The following STK3 variants were observed in gnomAD, a reference collection of about 807,000 sequenced individuals.
STK3 encodes serine/threonine kinase 3, also known as serine/threonine-protein kinase 3.
In STK3, 41 loss-of-function variants were observed where a neutral mutation model predicts 58.0. The ratio of observed to expected loss-of-function variants is 0.71; its 90% confidence interval spans 0.55 to 0.92. The LOEUF is 0.92. STK3 is among the 40% of genes least tolerant of loss of function. The pLI is 0.00. For synonymous variants in STK3, 170 were observed against 191.0 expected (o/e 0.89, Z 0.91); for missense variants, 479 against 602.7 (o/e 0.79, Z 2.15).
intron 4 of STK3, among the ~76,000 whole-genome samples, chr8:98,720,525 T>C (rs1024390546): frequency 6.6e-6 from 1 of 151,932 alleles, no homozygotes; most frequent in Middle Eastern, 3.4e-3. Context: ...CCGAGGCAGG[T>C]GGATCACAAG....
At chr8:98,938,353 G>A (rs1333496423) in intron 1 of STK3, among the ~76,000 whole-genome samples, 1 of 152,178 alleles carries the variant, frequency 6.6e-6, no homozygotes, top group Non-Finnish European at 1.5e-5. Flanking sequence ...AAAGTGCAAA[G>A]TGAACAATCA....
intron 10 of STK3, among the ~76,000 whole-genome samples, chr8:98,519,401 C>A (rs779599619): frequency 4.6e-5 from 7 of 152,038 alleles, no homozygotes; most frequent in Non-Finnish European, 1.0e-4. Context: ...CCCTGCTCCT[C>A]TTTTTCGGGG....
intron 9 of STK3, among the ~76,000 whole-genome samples, chr8:98,534,089 T>C (rs1809564144): frequency 6.6e-6 from 1 of 152,204 alleles, no homozygotes; most frequent in African/African-American, 2.4e-5. Context: ...GTGCAAGTAA[T>C]AACAGAATGA....
At chr8:98,893,552 G>GAGAA (rs1838339854) in intron 1 of STK3, among the ~76,000 whole-genome samples, 1 of 147,708 alleles carries the variant, frequency 6.8e-6, no homozygotes, top group Admixed American at 6.8e-5. Context: ...GAAAGAGAAA[G>GAGAA]AGAAAGAGAG....
intron 1 of STK3, among the ~76,000 whole-genome samples, chr8:98,796,333 A>G (rs1425661438): frequency 1.3e-5 from 2 of 152,196 alleles, no homozygotes; most frequent in African/African-American, 2.4e-5. Context: ...ACCCAGAAAT[A>G]AAGCTGCACA....
chr8:98,523,822 C>G lies in STK3; in HGVS notation c.1317+2920G>C, dbSNP rs968518589. ...CTCATTCCATTGGTTGCCCTCCACTCTGTTGATAGTGTCTTGTGATGCACA... is the reference window on the plus strand; with the variant it reads ...CTCATTCCATTGGTTGCCCTCCACTGTGTTGATAGTGTCTTGTGATGCACA... On this transcript the variant is annotated intron_variant, in intron 10 of 10. Coordinates refer to ENST00000419617, the MANE Select transcript of STK3 (RefSeq NM_006281.4). Among the ~76,000 whole-genome samples the G allele has an allele frequency of 2.6e-5, 4 of 152,138 alleles. No individual in the cohort carries two copies. In the East Asian group the frequency reaches 7.7e-4, roughly 29 times the overall value.
intron 1 of STK3, among the ~76,000 whole-genome samples, chr8:98,817,385 C>T (rs757908609): frequency 2.7e-5 from 4 of 146,628 alleles, no homozygotes; most frequent in Admixed American, 7.1e-5. Context: ...ACCTATAAGG[C>T]GGAGGTTGCA....
chr8:98,658,477 A>G (rs1323136819), intron 6 of STK3, among the ~76,000 whole-genome samples: 1 of 152,060 alleles, frequency 6.6e-6, no homozygotes, highest in African/African-American at 2.4e-5. Context: ...AAAGGCAACC[A>G]ACCCAAACTA....
At chr8:98,664,904 T>TA (rs777614487) in intron 6 of STK3, among the ~76,000 whole-genome samples, 2,260 of 142,504 alleles carry the variant, frequency 0.016, 23 homozygotes, top group African/African-American at 0.028. Flanking sequence ...CCGTCTCAAT[T>TA]AAAAAAAAAA....
In STK3 at chr8:98,800,714, G is replaced by A. The variant is rs1427082855; in HGVS notation, c.26+24801C>T. On this transcript the variant is annotated intron_variant, in intron 1 of 10. Transcript: ENST00000419617. The surrounding 1 kb of genome is among the most constrained non-coding windows in gnomAD (Gnocchi z 4.8). ...GCTGATGCCGCCAGCCCTGGGCAGT[G>A]AAGGGCTTAGCACCCGGGCCAGCAG... Among the ~76,000 whole-genome samples, 8 of 152,228 alleles carry A rather than the reference G, an allele frequency of 5.3e-5. No individual in the cohort carries two copies. The highest frequency in any genetic ancestry group is 1.2e-4 in the Non-Finnish European group (8 of 68,038).
intron 6 of STK3, among the ~76,000 whole-genome samples, chr8:98,665,486 T>C (rs1016364381): frequency 6.6e-6 from 1 of 152,058 alleles, no homozygotes; most frequent in African/African-American, 2.4e-5. Context: ...AGCCTCAGTC[T>C]TCCCAGGCTC....
chr8:98,685,807 A>G (rs1444394580), intron 6 of STK3, among the ~76,000 whole-genome samples: 1 of 152,070 alleles, frequency 6.6e-6, no homozygotes, highest in East Asian at 1.9e-4. Flanking sequence ...GGGTGAGGGG[A>G]GAGTATTCAC....
intron 7 of STK3, 132 bp from the exon 8 acceptor site, chr8:98,579,921 T>A: frequency 2.3e-6 from 2 of 851,918 alleles, no homozygotes; most frequent in Non-Finnish European, 1.7e-6. Flanking sequence ...TAGAATTAAA[T>A]GTATAGGTTA....
intron 1 of STK3, among the ~76,000 whole-genome samples, chr8:98,910,414 G>A (rs187716927): frequency 1.1e-4 from 16 of 152,198 alleles, no homozygotes; most frequent in Admixed American, 5.9e-4. Flanking sequence ...CTCAATAAAC[G>A]TGAAGAACTA....
chr8:98,609,453 C>T (rs1265188657), intron 6 of STK3, among the ~76,000 whole-genome samples: 2 of 152,020 alleles, frequency 1.3e-5, no homozygotes, highest in Admixed American at 6.6e-5. Context: ...CTTTACACTG[C>T]ATTAGCTATA....
intron 8 of STK3, 55 bp downstream of exon 8, chr8:98,579,609 T>C: frequency 6.3e-7 from 1 of 1,576,204 alleles, no homozygotes; most frequent in Non-Finnish European, 8.6e-7. Context: ...TTTAACAGAA[T>C]TACAGACAAA....
chr8:98,874,668 C>G lies in STK3; in HGVS notation c.110+8979G>C, dbSNP rs568302509. Among the ~76,000 whole-genome samples, 13 of 152,024 alleles carry G rather than the reference C, an allele frequency of 8.6e-5. No homozygotes were observed. In the East Asian group the frequency reaches 2.3e-3, roughly 27 times the overall value. ...TGGAGACAAGTTCTCCCTCTGTCACCCAGGCTGGAGGGTAGTGGTGAGATC... is the reference window on the plus strand; with the variant it reads ...TGGAGACAAGTTCTCCCTCTGTCACGCAGGCTGGAGGGTAGTGGTGAGATC... On this transcript the variant is annotated intron_variant, in intron 3 of 12. Transcript: ENST00000523601.
At chr8:98,780,316 A>G (rs1190969100) in intron 1 of STK3, among the ~76,000 whole-genome samples, 10 of 152,128 alleles carry the variant, frequency 6.6e-5, no homozygotes, top group Non-Finnish European at 1.3e-4. Context: ...TAATGAAATT[A>G]TTTGGATTTT....
chr8:98,499,349 G>T (rs1274864808), intron 10 of STK3, among the ~76,000 whole-genome samples: 2 of 152,170 alleles, frequency 1.3e-5, no homozygotes, highest in African/African-American at 4.8e-5. Context: ...AAGTAAGTCT[G>T]TCATAATTTG....
Sources: allele counts gnomAD v4.1 joint callset (sites outside exome capture counted in the v4.1 genomes callset), GRCh38; gene constraint gnomAD v4.1.1; non-coding constraint Gnocchi (gnomAD v3.1); transcripts MANE v1.5; gene names NCBI Gene and HGNC (gene_info 2026-07-23, HGNC 2026-07-21).